The following NCOA3 variants were observed in gnomAD, a reference collection of about 807,000 sequenced individuals.
The protein encoded by NCOA3 is nuclear receptor coactivator 3, also known as CBP-interacting protein.
In NCOA3, 51 loss-of-function variants were observed where a neutral mutation model predicts 158.8. The observed-to-expected ratio is 0.32, with a 90% confidence interval of 0.26 to 0.41. NCOA3 has a LOEUF of 0.41. Among genes scored for constraint, NCOA3 ranks in the 10% least tolerant of loss-of-function variants. The probability of loss-of-function intolerance (pLI) is 1.00; values close to 1 mark genes in which losing one functional copy is unlikely to be tolerated. For synonymous variants in NCOA3, 537 were observed against 592.4 expected, an observed-to-expected ratio of 0.91 and a Z score of 1.36; for missense variants, 1,510 against 1,746.6, an observed-to-expected ratio of 0.86 and a Z score of 2.41.
chr20:47,555,221 A>G (rs1207533854), intron 1 of NCOA3, among the ~76,000 whole-genome samples: 6 of 152,326 alleles, frequency 3.9e-5, no homozygotes, highest in Non-Finnish European at 8.8e-5. Context: ...TCATTTTTGC[A>G]TATTTATGAA....
intron 1 of NCOA3, among the ~76,000 whole-genome samples, chr20:47,516,106 T>A (rs1472003211): frequency 6.6e-6 from 1 of 152,190 alleles, no homozygotes; most frequent in Non-Finnish European, 1.5e-5. Context: ...GATACTATAA[T>A]GGTAGATACA....
chr20:47,609,511 C>T lies in NCOA3; in HGVS notation c.-19-12718C>T, dbSNP rs79421346. 5.0e-3 allele frequency among the ~76,000 whole-genome samples: 763 copies of T among 152,124 alleles called. 8 individuals are homozygous for T. The highest frequency in any genetic ancestry group is 0.017 in the African/African-American group (712 of 41,496). On this transcript the variant is annotated intron_variant, in intron 2 of 22. Transcript: ENST00000371998. Reference sequence around the variant, plus strand: ...TTCTTTAAAGTTATGGATCATGTCACGAGGTCAGGAGTTTGAGACCATCCT... The same window carrying T: ...TTCTTTAAAGTTATGGATCATGTCATGAGGTCAGGAGTTTGAGACCATCCT...
At chr20:47,503,370 C>T (rs574454335) in intron 1 of NCOA3, among the ~76,000 whole-genome samples, 1 of 152,262 alleles carries the variant, frequency 6.6e-6, no homozygotes, top group East Asian at 1.9e-4. Context: ...AATGTATGCT[C>T]ATTTAGAATA....
intron 1 of NCOA3, among the ~76,000 whole-genome samples, chr20:47,567,737 T>C (rs2085222395): frequency 6.6e-6 from 1 of 151,796 alleles, no homozygotes; most frequent in Non-Finnish European, 1.5e-5. Flanking sequence ...GCCCGGCCAA[T>C]ATTTTGTATT....
At chr20:47,525,899 C>A in intron 1 of NCOA3, among the ~76,000 whole-genome samples, 1 of 146,094 alleles carries the variant, frequency 6.8e-6, no homozygotes, top group Admixed American at 6.7e-5. Flanking sequence ...GCTGACCCCC[C>A]CACCTCCCTC....
At chr20:47,567,756 A>T (rs568779337) in intron 1 of NCOA3, among the ~76,000 whole-genome samples, 3 of 152,044 alleles carry the variant, frequency 2.0e-5, no homozygotes, top group African/African-American at 7.2e-5. Context: ...TTTTTAGTAG[A>T]GACGGGGTTT....
chr20:47,563,913 A>G (rs1346047730), intron 1 of NCOA3, among the ~76,000 whole-genome samples: 2 of 151,454 alleles, frequency 1.3e-5, no homozygotes, highest in African/African-American at 2.4e-5. Context: ...AAGAAAGAAA[A>G]AAGAAAAAGG....
At chr20:47,511,556 T>TATATATATATATA (rs1569310943) in intron 1 of NCOA3, among the ~76,000 whole-genome samples, 6 of 30,182 alleles carry the variant, frequency 2.0e-4, no homozygotes, top group East Asian at 1.6e-3. Context: ...TATATATATA[T>TATATATATATATA]TTCTTTTTTT....
In NCOA3 at chr20:47,654,357, G is replaced by T. The variant is rs763174545; in HGVS notation, c.*940G>T. ...GTACTGCATTCTGAATCAGAATCTC[G>T]CAGTGTTTCTGTGAATAGATTTTTT... On this transcript the variant is annotated 3_prime_UTR_variant, in exon 23 of 23. Coordinates refer to ENST00000371998, the MANE Select transcript of NCOA3 (RefSeq NM_181659.3). 3.3e-5 allele frequency: 5 copies of T among 152,522 alleles called. No individual in the cohort carries two copies. Among genetic ancestry groups the T allele is most frequent in the Admixed American group, 6.5e-5 (1 of 15,272 alleles). 9.4% of individuals were successfully genotyped at this position (152,522 alleles called of 1,614,324 possible).
chr20:47,642,220 C>T lies in NCOA3; in HGVS notation c.3088C>T (p.Leu1030Phe). The T allele has an allele frequency of 1.9e-6, 3 of 1,580,342 alleles. No individual in the cohort carries two copies. The highest frequency in any genetic ancestry group is 2.6e-6 in the Non-Finnish European group (3 of 1,169,020). The change falls in exon 17 of 23, where the codon CTT becomes TTT. Residue 1030 changes from leucine to phenylalanine, a missense_variant. Physicochemically the swap from Leu to Phe is conservative, Grantham distance 22. Transcript: ENST00000371998. The part of the protein sequence containing the change: ...VSHGTQNRPL[L>F]RNSLDDLVGP... The stretch of plus-strand genomic sequence containing the variant: ...TTGCAAGTCTTTTTCTAGGCCTCTT[C>T]TTAGGAATTCCCTGGATGATCTTGT...
intron 4 of NCOA3, 22 bp from the exon 5 acceptor site, chr20:47,625,359 A>G: frequency 6.6e-7 from 1 of 1,523,100 alleles, no homozygotes; most frequent in South Asian, 1.1e-5. Context: ...GTTATTCGTT[A>G]TACCACCTTC....
intron 1 of NCOA3, among the ~76,000 whole-genome samples, chr20:47,546,527 GTTTTTTTTTTTTT>G (rs35925841): frequency 4.4e-4 from 53 of 120,280 alleles, no homozygotes; most frequent in African/African-American, 1.6e-3. Flanking sequence ...ACTTGCCTCT[GTTTTTTTTTTTTT>G]TTTTTTTTAA....
intron 9 of NCOA3, 69 bp from the exon 10 acceptor site, chr20:47,633,979 C>G (rs762676537): frequency 5.8e-6 from 9 of 1,552,538 alleles, no homozygotes; most frequent in Non-Finnish European, 7.9e-6. Flanking sequence ...ATATTTCCTC[C>G]CTGTCCCCTC....
chr20:47,522,635 G>A (rs1035174219), intron 1 of NCOA3, among the ~76,000 whole-genome samples: 16 of 151,950 alleles, frequency 1.1e-4, no homozygotes, highest in African/African-American at 3.9e-4. Context: ...CAAATCATTC[G>A]CGTAGCCCGT....
At chr20:47,547,110 T>G (rs1202084634) in intron 1 of NCOA3, among the ~76,000 whole-genome samples, 1 of 152,222 alleles carries the variant, frequency 6.6e-6, no homozygotes, top group Non-Finnish European at 1.5e-5. Flanking sequence ...TTTATTGTGT[T>G]TAATTATAAA....
At chr20:47,539,177 G>C (rs2084683030) in intron 1 of NCOA3, among the ~76,000 whole-genome samples, 1 of 152,094 alleles carries the variant, frequency 6.6e-6, no homozygotes, top group Non-Finnish European at 1.5e-5. Context: ...GTGCTGCCAG[G>C]CATGGTGGCA....
At chr20:47,529,435 G>C (rs1374289417) in intron 1 of NCOA3, among the ~76,000 whole-genome samples, 4 of 151,982 alleles carry the variant, frequency 2.6e-5, no homozygotes, top group East Asian at 3.9e-4. Flanking sequence ...AAACTTTTTT[G>C]AGACAGAGTC....
At chr20:47,585,346 T>A (rs1334312823) in intron 2 of NCOA3, among the ~76,000 whole-genome samples, 1 of 152,164 alleles carries the variant, frequency 6.6e-6, no homozygotes, top group African/African-American at 2.4e-5. Flanking sequence ...GCCTGGCCCC[T>A]TTTCTTAACT....
chr20:47,627,361 A>G (rs1602507404), intron 6 of NCOA3, among the ~76,000 whole-genome samples, 185 bp downstream of exon 6: 2 of 152,368 alleles, frequency 1.3e-5, no homozygotes, highest in Middle Eastern at 3.4e-3. Flanking sequence ...TTTAAGAGGC[A>G]TATAGTTACA....
Sources: allele counts gnomAD v4.1 joint callset (sites outside exome capture counted in the v4.1 genomes callset), GRCh38; gene constraint gnomAD v4.1.1; transcripts MANE v1.5; gene names NCBI Gene and HGNC (gene_info 2026-07-23, HGNC 2026-07-21).